MICALL2: variants seen among roughly 807,000 people sequenced by gnomAD.
MICALL2 encodes the protein MICAL like 2.
Under a neutral mutation model 91.1 loss-of-function variants are expected in MICALL2, and 111 were observed. The ratio of observed to expected loss-of-function variants is 1.22; its 90% confidence interval spans 1.04 to 1.43. The LOEUF (loss-of-function observed/expected upper bound fraction) is 1.43, where lower values mean the gene tolerates loss of function less well. MICALL2 is among the 40% of genes most tolerant of loss of function. MICALL2 has a pLI of 0.00. For synonymous variants in MICALL2, 694 were observed against 525.3 expected, an observed-to-expected ratio of 1.32 and a Z score of -4.39; for missense variants, 1,556 against 1,236.0, an observed-to-expected ratio of 1.26 and a Z score of -3.88.
intron 3 of MICALL2, chr7:1,448,177 G>A (rs1780680939): frequency 4.2e-6 from 1 of 235,784 alleles, no homozygotes. Flanking sequence ...GGCCAGCCTG[G>A]CTTCCATAGG....
intron 5 of MICALL2, 111 bp from the exon 6 acceptor site, chr7:1,445,539 T>G (rs947000981): frequency 3.0e-5 from 33 of 1,087,428 alleles, no homozygotes; most frequent in Non-Finnish European, 4.1e-5. Context: ...ACTTGCGAGG[T>G]TGCTGAACGC....
At chr7:1,443,443 A>G (rs1780410101) in intron 6 of MICALL2, among the ~76,000 whole-genome samples, 1 of 152,180 alleles carries the variant, frequency 6.6e-6, no homozygotes, top group South Asian at 2.1e-4. Context: ...AGGCTGCGAC[A>G]AGCATTCTTA....
Position 1,444,749 on chromosome 7 carries a change from G to T in MICALL2, c.1321C>A (p.Leu441Ile). ...TTGCTGCTGTCCTTGGATAGAACAA[G>T]TGACGGGGTGGGACCTCTGCCAGAA... ...SLSGRGPTPS[L>I]VLSKDSSKEQ... Residue 441 changes from leucine (L) to isoleucine (I), a missense_variant, in exon 6 of 17, where the codon CTT becomes ATT. Physicochemically the swap from Leu to Ile is conservative, Grantham distance 5 (BLOSUM62 2). Coordinates refer to ENST00000297508, the MANE Select transcript of MICALL2 (RefSeq NM_182924.4). 6.2e-7 allele frequency: 1 copy of T among 1,612,436 alleles called. No individual in the cohort carries two copies.
At chr7:1,441,070 TG>T in intron 7 of MICALL2, 1 of 242,814 alleles carries the variant, frequency 4.1e-6, no homozygotes, top group East Asian at 8.9e-5. Flanking sequence ...ATCCAGCGCG[TG>T]GCTTTAACAA....
rs755247423 is a variant in MICALL2 at position 1,438,334 on chromosome 7, G to A, written c.2142C>T (p.Ala714=). The change falls in exon 11 of 17, where the codon GCC becomes GCT. Residue 714 remains alanine, a synonymous_variant. Coordinates refer to ENST00000297508, the MANE Select transcript of MICALL2 (RefSeq NM_182924.4). The part of the protein sequence containing the change: ...QGKPGRPLSP[A]NVPALPGETV... Reference sequence around the variant, plus strand: ...TCTCGCCAGGCAGAGCAGGGACATTGGCCGGGGACAAGGGTCTCCCTGGAG... The same window carrying A: ...TCTCGCCAGGCAGAGCAGGGACATTAGCCGGGGACAAGGGTCTCCCTGGAG... 2.3e-5 allele frequency: 37 copies of A among 1,604,520 alleles called. No individual in the cohort carries two copies. Among genetic ancestry groups the A allele is most frequent in the Non-Finnish European group, 2.9e-5 (34 of 1,176,840 alleles).
chr7:1,444,245 C>T (rs1316600425), intron 6 of MICALL2, among the ~76,000 whole-genome samples: 1 of 138,034 alleles, frequency 7.2e-6, no homozygotes, highest in Non-Finnish European at 1.5e-5. Context: ...GACCCGCCAG[C>T]GTGGGTCCCG....
rs374681142 is a variant in MICALL2, at chr7:1,442,430, T to A, written c.1473A>T (p.Pro491=). 5.7e-6 allele frequency: 9 copies of A among 1,566,800 alleles called. 1 individual carries two copies. The African/African-American group carries it at 1.1e-4, about 19-fold the overall frequency. The part of the protein sequence containing the change: ...VPSSQPKTEA[P]QASPLAKPLQ... ...ACGGCTTGGCTAAGGGACTTGCTTGTGGTGCTTCAGTTTTGGGCTGAGAAC... is the reference window on the plus strand; with the variant it reads ...ACGGCTTGGCTAAGGGACTTGCTTGAGGTGCTTCAGTTTTGGGCTGAGAAC... Residue 491 remains proline (P), a synonymous_variant, in exon 7 of 17, where the codon CCA becomes CCT. Transcript: ENST00000297508.
At position 1,436,052 on chromosome 7, in the gene MICALL2, C is replaced by CAA. The variant is rs554033109; in HGVS notation, c.2591+688_2591+689dup. On this transcript the variant is annotated intron_variant, in intron 15 of 16. Coordinates refer to ENST00000297508, the MANE Select transcript of MICALL2 (RefSeq NM_182924.4). ...TGGGCGACAGAGCAAGACTCTGTCT[C>CAA]AAAAAAAAAAATACAAACAACAAAA... 9.9e-3 allele frequency among the ~76,000 whole-genome samples: 1,323 copies of CAA among 133,252 alleles called. 31 individuals are homozygous for CAA. Among genetic ancestry groups the CAA allele is most frequent in the African/African-American group, 0.034 (1,240 of 36,882 alleles). 87.4% of individuals were successfully genotyped at this position (133,252 alleles called of 152,430 possible).
In MICALL2 at chr7:1,437,903, C is replaced by G. The variant is rs1261719687; in HGVS notation, c.2389G>C (p.Glu797Gln). ...CTGGGCTCTCACTTGTACATCAGCT[C>G]TGACTCCTGTCTCAGCAGAAGCTGC... Reference protein sequence around the residue: ...EKQLLLRQESELMYKSKAQRL... With the variant: ...EKQLLLRQESQLMYKSKAQRL... The change falls in exon 13 of 17, where the codon GAG becomes CAG. Residue 797 changes from glutamate to glutamine, a missense_variant. By Grantham distance (29) the Glu-to-Gln change is conservative (BLOSUM62 2). Coordinates refer to ENST00000297508, the MANE Select transcript of MICALL2 (RefSeq NM_182924.4). 6.5e-7 allele frequency: 1 copy of G among 1,549,140 alleles called. No individual in the cohort carries two copies. The highest frequency in any genetic ancestry group is 1.2e-5 in the South Asian group (1 of 83,992).
chr7:1,435,013 C>CCCCG, intron 16 of MICALL2, 88 bp downstream of exon 16: 10 of 664,178 alleles, frequency 1.5e-5, no homozygotes, highest in South Asian at 4.8e-5. Context: ...GCTGGAGGCC[C>CCCCG]GGTCCACCCA....
At chr7:1,453,739 ATCTTC>A (rs1314837679) in intron 1 of MICALL2, among the ~76,000 whole-genome samples, 4 of 151,924 alleles carry the variant, frequency 2.6e-5, no homozygotes, top group African/African-American at 9.7e-5. Context: ...CCAGGGTTTA[ATCTTC>A]TCTTATTTGA....
chr7:1,443,392 C>G (rs1780406435), intron 6 of MICALL2, among the ~76,000 whole-genome samples: 1 of 152,136 alleles, frequency 6.6e-6, no homozygotes, highest in Admixed American at 6.5e-5. Flanking sequence ...CAGGGGACGC[C>G]TGCACCCCAC....
Position 1,443,270 on chromosome 7 carries a change from C to G in MICALL2, c.1419-786G>C, listed in dbSNP as rs368813724. Among the ~76,000 whole-genome samples the G allele has an allele frequency of 5.3e-5, 8 of 151,620 alleles. No individual in the cohort carries two copies. In the East Asian group the frequency reaches 1.2e-3, roughly 22 times the overall value. On this transcript the variant is annotated intron_variant, in intron 6 of 16. Coordinates refer to ENST00000297508, the MANE Select transcript of MICALL2 (RefSeq NM_182924.4). ...CTCAGTCCCTAGGATGCCCTGGACA[C>G]CCCCCAGTGCCAGGAGGAGCAGAGC...
chr7:1,438,703 C>G (rs1780108793), intron 10 of MICALL2, 137 bp downstream of exon 10: 1 of 1,485,446 alleles, frequency 6.7e-7, no homozygotes. Flanking sequence ...GGGCACGGGG[C>G]TGGGTCCTTC....
chr7:1,449,276 G>A lies in MICALL2; in HGVS notation c.193-515C>T, dbSNP rs184367334. On this transcript the variant is annotated intron_variant, in intron 2 of 16. Coordinates refer to ENST00000297508, the MANE Select transcript of MICALL2 (RefSeq NM_182924.4). Reference sequence around the variant, plus strand: ...GGCTGTGAGCATGGGAAGTGTGGCCGGCACACTTGAGGAACTGGACTTGTT... The same window carrying A: ...GGCTGTGAGCATGGGAAGTGTGGCCAGCACACTTGAGGAACTGGACTTGTT... 4.5e-4 allele frequency among the ~76,000 whole-genome samples: 68 copies of A among 152,326 alleles called. No individual in the cohort carries two copies. In the East Asian group the frequency reaches 8.9e-3, roughly 20 times the overall value.
Position 1,452,193 on chromosome 7 carries a change from C to T in MICALL2, c.144-1905G>A, listed in dbSNP as rs187681615. On this transcript the variant is annotated intron_variant, in intron 1 of 16. Transcript: ENST00000297508. This position sits in a 1 kb window ranked among gnomAD's most constrained non-coding sequence, Gnocchi z 6.2. ...CTTCTGCACGCCGGACAAGATGGGG[C>T]GCGGACTCCTCTCCGTGTGGACAGA... is the stretch of plus-strand genomic sequence containing the variant. Among the ~76,000 whole-genome samples the T allele has an allele frequency of 1.7e-3, 256 of 152,326 alleles. 1 individual carries two copies. The highest frequency in any genetic ancestry group is 7.8e-4 in the Non-Finnish European group (53 of 68,016).
rs1169763618 is a variant in MICALL2, at chr7:1,445,322, G to T, written c.748C>A (p.Pro250Thr). ...SHLPAAASASPKLTGLVPRQP... is the reference protein window; with the variant it reads ...SHLPAAASASTKLTGLVPRQP... Reference sequence around the variant, plus strand: ...CGGGGGACCAGACCCGTCAACTTGGGGCTTGCAGAGGCGGCTGCGGGGAGG... The same window carrying T: ...CGGGGGACCAGACCCGTCAACTTGGTGCTTGCAGAGGCGGCTGCGGGGAGG... Residue 250 changes from proline (P) to threonine (T), a missense_variant, in exon 6 of 17, where the codon CCC (proline) becomes ACC (threonine). Coordinates refer to ENST00000297508, the MANE Select transcript of MICALL2 (RefSeq NM_182924.4). The T allele has an allele frequency of 1.2e-6, 2 of 1,610,220 alleles. No homozygotes were observed. Among genetic ancestry groups the T allele is most frequent in the East Asian group, 2.2e-5 (1 of 44,848 alleles).
At position 1,438,850 on chromosome 7, in the gene MICALL2, C is replaced by A; in HGVS notation, c.2112G>T (p.Gln704His). The change falls in exon 10 of 17, where the codon CAG (glutamine) becomes CAT (histidine). Residue 704 changes from glutamine (Q) to histidine (H), a missense_variant. Coordinates refer to ENST00000297508, the MANE Select transcript of MICALL2 (RefSeq NM_182924.4). ...GTCTCTGGGGCTGACCTGGTTTGCCCTGAAGGTGAGGTTTCTTCTCCTCCT... is the reference window on the plus strand; with the variant it reads ...GTCTCTGGGGCTGACCTGGTTTGCCATGAAGGTGAGGTTTCTTCTCCTCCT... Reference protein sequence around the residue: ...WKEEEKKPHLQGKPGRPLSPA... With the variant: ...WKEEEKKPHLHGKPGRPLSPA... 1 of 1,606,066 alleles carries A rather than the reference C, an allele frequency of 6.2e-7. No homozygotes were observed. The highest frequency in any genetic ancestry group is 8.5e-7 in the Non-Finnish European group (1 of 1,175,648).
At chr7:1,447,812 A>T in intron 3 of MICALL2, 47 bp from the exon 4 acceptor site, 1 of 1,412,214 alleles carries the variant, frequency 7.1e-7, no homozygotes. Context: ...CCTGGCTCTG[A>T]AAGGGTCTAG....
Sources: allele counts gnomAD v4.1 joint callset (sites outside exome capture counted in the v4.1 genomes callset), GRCh38; gene constraint gnomAD v4.1.1; non-coding constraint Gnocchi (gnomAD v3.1); transcripts MANE v1.5; gene names NCBI Gene and HGNC (gene_info 2026-07-23, HGNC 2026-07-21).